The following KIRREL3 variants were observed in gnomAD, a reference collection of about 807,000 sequenced individuals.
KIRREL3 encodes kirre like nephrin family adhesion molecule 3.
KIRREL3 carries 36 observed loss-of-function variants against 89.7 expected under a neutral mutation model. The ratio of observed to expected loss-of-function variants is 0.40; its 90% CI spans 0.31 to 0.53. The LOEUF is 0.53. Ranked by LOEUF, KIRREL3 falls within the 20% of genes least tolerant of loss-of-function variation. The pLI is 0.49. For synonymous variants in KIRREL3, 445 were observed against 441.4 expected (o/e 1.01, Z -0.10); for missense variants, 864 against 1,056.6 (o/e 0.82, Z 2.53).
intron 1 of KIRREL3, among the ~76,000 whole-genome samples, chr11:126,971,349 G>T (rs1949419745): frequency 6.6e-6 from 1 of 152,178 alleles, no homozygotes; most frequent in African/African-American, 2.4e-5. Context: ...TTATCTAAAA[G>T]ATTGTAATCA....
chr11:126,514,365 C>A (rs1591660106), intron 4 of KIRREL3, among the ~76,000 whole-genome samples: 1 of 152,168 alleles, frequency 6.6e-6, no homozygotes, highest in East Asian at 1.9e-4. Flanking sequence ...ATAAGGAAAT[C>A]AATTCTGCCT....
At chr11:126,680,397 G>GATATATATATATATATATATATATATAT (rs150251599) in intron 1 of KIRREL3, among the ~76,000 whole-genome samples, 56 of 144,146 alleles carry the variant, frequency 3.9e-4, no homozygotes, top group African/African-American at 1.5e-3. Flanking sequence ...TTCTACTGGA[G>GATATATATATATATATATATATATATAT]ATATATATAT....
At chr11:126,825,823 C>G (rs1164017873) in intron 1 of KIRREL3, among the ~76,000 whole-genome samples, 1 of 152,186 alleles carries the variant, frequency 6.6e-6, no homozygotes, top group Non-Finnish European at 1.5e-5. Context: ...AACTGGGGCA[C>G]AGAGGGATTA....
rs1236122450 is a variant in KIRREL3, at chr11:126,441,123, T to C, written c.1253-574A>G. On this transcript the variant is annotated intron_variant, in intron 10 of 16. Transcript: ENST00000525144. The surrounding 1 kb of genome is among the most constrained non-coding windows in gnomAD (Gnocchi z 5.0). ...AATCACCCCGGACAGGGGGAATGCA[T>C]GCGCTGGCCGTGTTCACAGCCCTCC... 6.6e-6 allele frequency among the ~76,000 whole-genome samples: 1 copy of C among 152,218 alleles called. No individual in the cohort carries two copies. The highest frequency in any genetic ancestry group is 1.5e-5 in the Non-Finnish European group (1 of 68,048).
intron 1 of KIRREL3, among the ~76,000 whole-genome samples, chr11:126,721,513 GA>G (rs1948168262): frequency 8.1e-6 from 1 of 123,738 alleles, no homozygotes; most frequent in South Asian, 2.9e-4. Flanking sequence ...TGGGCAACAA[GA>G]GTAAAACTCC....
chr11:126,621,150 C>T (rs752042017), intron 1 of KIRREL3, among the ~76,000 whole-genome samples: 6 of 152,180 alleles, frequency 3.9e-5, no homozygotes, highest in South Asian at 2.1e-4. Flanking sequence ...ATTTGATGTA[C>T]GTGTTAATTA....
chr11:126,697,740 G>A lies in KIRREL3; in HGVS notation c.56-134828C>T, dbSNP rs889231818. ...TGCCGGGGACTCAGCTTCTCCCGGG[G>A]CCTCCGGGTGGGTCCCATGATTGCT... On this transcript the variant is annotated intron_variant, in intron 1 of 16. Transcript: ENST00000525144. This position sits in a 1 kb window ranked among gnomAD's most constrained non-coding sequence, Gnocchi z 4.2. 6.6e-6 allele frequency among the ~76,000 whole-genome samples: 1 copy of A among 152,202 alleles called. No individual in the cohort carries two copies. The highest frequency in any genetic ancestry group is 1.5e-5 in the Non-Finnish European group (1 of 68,042).
intron 1 of KIRREL3, among the ~76,000 whole-genome samples, chr11:126,856,555 GTATATATATATATATATATATATATATA>G (rs36218965): frequency 5.1e-5 from 7 of 136,738 alleles, no homozygotes; most frequent in African/African-American, 1.1e-4. Context: ...ATTTTTCTAA[GTATATATATATATATATATATATATATA>G]TATATATATA....
chr11:126,446,651 C>G (rs1350113902), intron 9 of KIRREL3, 108 bp downstream of exon 9: 1 of 1,235,188 alleles, frequency 8.1e-7, no homozygotes, highest in African/African-American at 1.5e-5. Flanking sequence ...ACACTGGAGG[C>G]TGACTCCCCC....
At position 126,485,055 on chromosome 11, in the gene KIRREL3, G is replaced by A. The variant is rs373225493; in HGVS notation, c.434-11589C>T. ...GGCTGGTCTCAAACGCCTGACCTCA[G>A]GTGATCCGCCCACCTTAGCCTCCAA... On this transcript the variant is annotated intron_variant, in intron 4 of 16. Transcript: ENST00000525144. The surrounding 1 kb of genome is among the most constrained non-coding windows in gnomAD (Gnocchi z 5.8). 1.2e-4 allele frequency among the ~76,000 whole-genome samples: 18 copies of A among 152,234 alleles called. No homozygotes were observed. In the East Asian group the frequency reaches 2.5e-3, roughly 21 times the overall value.
chr11:126,533,742 C>G (rs1320249485), intron 2 of KIRREL3, among the ~76,000 whole-genome samples: 1 of 152,204 alleles, frequency 6.6e-6, no homozygotes, highest in African/African-American at 2.4e-5. Flanking sequence ...GGTTTGAATC[C>G]TGGCACTTCC....
At chr11:126,547,520 G>A (rs1044233650) in intron 2 of KIRREL3, among the ~76,000 whole-genome samples, 4 of 152,208 alleles carry the variant, frequency 2.6e-5, no homozygotes, top group Non-Finnish European at 4.4e-5. Flanking sequence ...GGAGAGGAGC[G>A]TGCAGGGGTA....
In KIRREL3 at chr11:126,462,825, C is replaced by G. The variant is rs1456815770; in HGVS notation, c.742+332G>C. Reference sequence around the variant, plus strand: ...GGGGACCCTTCAAATACCAGCATCTCCACTCAGACTTCCCCTCCAACAGAG... The same window carrying G: ...GGGGACCCTTCAAATACCAGCATCTGCACTCAGACTTCCCCTCCAACAGAG... On this transcript the variant is annotated intron_variant, in intron 6 of 16. Transcript: ENST00000525144. The surrounding 1 kb of genome is among the most constrained non-coding windows in gnomAD (Gnocchi z 4.8). Among the ~76,000 whole-genome samples, 1 of 152,192 alleles carries G rather than the reference C, an allele frequency of 6.6e-6. No homozygotes were observed. The highest frequency in any genetic ancestry group is 2.4e-5 in the African/African-American group (1 of 41,448).
intron 11 of KIRREL3, among the ~76,000 whole-genome samples, chr11:126,438,654 G>A (rs1022474798): frequency 2.0e-5 from 3 of 152,250 alleles, no homozygotes; most frequent in African/African-American, 7.2e-5. Context: ...ATGAGCATGT[G>A]TTACATTTAT....
At position 126,475,342 on chromosome 11, in the gene KIRREL3, T is replaced by C. The variant is rs1433245965; in HGVS notation, c.434-1876A>G. Among the ~76,000 whole-genome samples, 3 of 152,024 alleles carry C rather than the reference T, an allele frequency of 2.0e-5. No individual in the cohort carries two copies. Among genetic ancestry groups the C allele is most frequent in the African/African-American group, 7.2e-5 (3 of 41,380 alleles). On this transcript the variant is annotated intron_variant, in intron 4 of 16. Transcript: ENST00000525144. This position sits in a 1 kb window ranked among gnomAD's most constrained non-coding sequence, Gnocchi z 7.5. ...ATCGCCCCGTCAGCCCTTCTCCTAG[T>C]CCACTCCGGCTTCTGTGAAAGCTCC...
At chr11:126,514,772 A>G (rs1429678543) in intron 4 of KIRREL3, among the ~76,000 whole-genome samples, 2 of 152,216 alleles carry the variant, frequency 1.3e-5, no homozygotes, top group Admixed American at 6.5e-5. Flanking sequence ...AGTGCGGGCA[A>G]TCTGGCTTCC....
At chr11:126,461,490 C>T (rs536734458) in intron 6 of KIRREL3, among the ~76,000 whole-genome samples, 1 of 152,124 alleles carries the variant, frequency 6.6e-6, no homozygotes, top group Non-Finnish European at 1.5e-5. Context: ...CCAGAAGGCT[C>T]CTTGGTACAG....
intron 4 of KIRREL3, among the ~76,000 whole-genome samples, chr11:126,502,518 C>T (rs1370004106): frequency 1.3e-5 from 2 of 152,234 alleles, no homozygotes; most frequent in Non-Finnish European, 2.9e-5. Flanking sequence ...CCATTTTCTG[C>T]TATAGATTTT....
chr11:126,751,347 G>C (rs1048805472), intron 1 of KIRREL3, among the ~76,000 whole-genome samples: 2 of 152,214 alleles, frequency 1.3e-5, no homozygotes, highest in African/African-American at 2.4e-5. Context: ...TGCTTTGAGC[G>C]AACCACTTTT....
Sources: allele counts gnomAD v4.1 joint callset (sites outside exome capture counted in the v4.1 genomes callset), GRCh38; gene constraint gnomAD v4.1.1; non-coding constraint Gnocchi (gnomAD v3.1); transcripts MANE v1.5; gene names NCBI Gene and HGNC (gene_info 2026-07-23, HGNC 2026-07-21).